Variants in CHRNA7 observed in about 807,000 individuals in gnomAD.
The protein encoded by CHRNA7 is cholinergic receptor nicotinic alpha 7 subunit, also known as neuronal acetylcholine receptor subunit alpha-7.
CHRNA7 carries 17 observed loss-of-function variants against 48.0 expected under a neutral mutation model. That is an observed-to-expected ratio of 0.35 (90% CI 0.24 to 0.53). The LOEUF (loss-of-function observed/expected upper bound fraction) is 0.53, where lower values mean the gene tolerates loss of function less well. Ranked by LOEUF, CHRNA7 falls within the 20% of genes least tolerant of loss-of-function variation. The pLI, the probability that CHRNA7 is intolerant of heterozygous loss-of-function variation, is 0.92. For missense variants in CHRNA7, 155 were observed against 577.7 expected (o/e 0.27, Z 7.50); for synonymous variants, 75 against 242.3 (o/e 0.31, Z 6.41).
chr15:32,052,718 A>G (rs1227383728), intron 2 of CHRNA7, among the ~76,000 whole-genome samples: 1 of 152,154 alleles, frequency 6.6e-6, no homozygotes, highest in African/African-American at 2.4e-5. Context: ...ACAGAGCGAG[A>G]CTCCATCTCA....
chr15:32,111,722 A>T (rs923313072), intron 3 of CHRNA7, 68 bp from the exon 4 acceptor site: 4 of 897,120 alleles, frequency 4.5e-6, no homozygotes, highest in Middle Eastern at 2.2e-4. Context: ...CACTTACCTA[A>T]TAATCGCTTA....
At chr15:32,079,469 T>C (rs993884728) in intron 2 of CHRNA7, among the ~76,000 whole-genome samples, 26 of 152,090 alleles carry the variant, frequency 1.7e-4, no homozygotes, top group African/African-American at 6.3e-4. Context: ...GGACAGGAAA[T>C]CAATATGCAA....
chr15:32,047,022 G>T (rs2141180154), intron 2 of CHRNA7, among the ~76,000 whole-genome samples: 1 of 143,654 alleles, frequency 7.0e-6, no homozygotes, highest in Middle Eastern at 3.4e-3. Flanking sequence ...CTGTTCCATT[G>T]GTCTATATCT....
At chr15:32,037,843 T>A (rs1221229569) in intron 2 of CHRNA7, among the ~76,000 whole-genome samples, 1 of 151,942 alleles carries the variant, frequency 6.6e-6, no homozygotes, top group African/African-American at 2.4e-5. Flanking sequence ...TGAACGATCA[T>A]GTCATCTGCG....
At chr15:32,043,042 G>T (rs986646026) in intron 2 of CHRNA7, among the ~76,000 whole-genome samples, 2 of 152,146 alleles carry the variant, frequency 1.3e-5, no homozygotes, top group African/African-American at 2.4e-5. Context: ...GATGTGTAGA[G>T]AAATATTTAA....
intron 2 of CHRNA7, among the ~76,000 whole-genome samples, chr15:32,051,430 C>CG (rs2049675168): frequency 6.6e-6 from 1 of 152,244 alleles, no homozygotes; most frequent in African/African-American, 2.4e-5. Context: ...AGTGAGACTC[C>CG]ATGGGCGTAG....
At chr15:32,036,044 A>G (rs1902067702) in intron 2 of CHRNA7, among the ~76,000 whole-genome samples, 1 of 152,222 alleles carries the variant, frequency 6.6e-6, no homozygotes, top group African/African-American at 2.4e-5. Flanking sequence ...TATCATACAG[A>G]GTATTTTTAC....
rs551423961 is a variant in CHRNA7, at chr15:32,083,877, T to A, written c.196-17426T>A. ...CTTGGTAATTGGTGTAGTGGCCTCA[T>A]GTCAGGAGTCACTTCATTCTCCTTT... On this transcript the variant is annotated intron_variant, in intron 2 of 9. Coordinates refer to ENST00000306901, the MANE Select transcript of CHRNA7 (RefSeq NM_000746.6). Among the ~76,000 whole-genome samples, 4 of 152,328 alleles carry A rather than the reference T, an allele frequency of 2.6e-5. No homozygotes were observed. In the East Asian group the frequency reaches 5.8e-4, roughly 22 times the overall value.
intron 4 of CHRNA7, among the ~76,000 whole-genome samples, chr15:32,152,715 C>T (rs1295385397): frequency 6.6e-6 from 1 of 152,122 alleles, no homozygotes; most frequent in African/African-American, 2.4e-5. Context: ...AGTGTGACAG[C>T]CTGATAAAGG....
At chr15:32,105,077 C>T (rs1265150038) in intron 3 of CHRNA7, among the ~76,000 whole-genome samples, 1 of 152,198 alleles carries the variant, frequency 6.6e-6, no homozygotes, top group African/African-American at 2.4e-5. Context: ...AACATCCTTG[C>T]TTCAGAGGGT....
intron 2 of CHRNA7, among the ~76,000 whole-genome samples, chr15:32,063,111 G>C (rs866016538): frequency 3.3e-5 from 5 of 152,300 alleles, no homozygotes; most frequent in Middle Eastern, 3.4e-3. Context: ...CGTGAGTGCA[G>C]CTTGCAGGAC....
chr15:32,114,048 A>G (rs11633672), intron 4 of CHRNA7, among the ~76,000 whole-genome samples: 3 of 50,010 alleles, frequency 6.0e-5, no homozygotes, highest in East Asian at 7.1e-4. Flanking sequence ...ATATATGTAT[A>G]TATATATATA....
chr15:32,132,000 A>G (rs1434454809), intron 4 of CHRNA7, among the ~76,000 whole-genome samples: 1 of 152,164 alleles, frequency 6.6e-6, no homozygotes, highest in Non-Finnish European at 1.5e-5. Flanking sequence ...GGCTGGGTCA[A>G]GATGAGGTCA....
intron 4 of CHRNA7, among the ~76,000 whole-genome samples, chr15:32,115,493 C>G (rs2050853690): frequency 6.6e-6 from 1 of 152,026 alleles, no homozygotes; most frequent in Non-Finnish European, 1.5e-5. Context: ...ACCAGCCTAT[C>G]CCTACCCTGT....
At position 32,136,172 on chromosome 15, in the gene CHRNA7, A is replaced by G. The variant is rs1411197318; in HGVS notation, c.351-17735A>G. Among the ~76,000 whole-genome samples, 13 of 152,312 alleles carry G rather than the reference A, an allele frequency of 8.5e-5. No individual in the cohort carries two copies. In the East Asian group the frequency reaches 2.5e-3, roughly 29 times the overall value. On this transcript the variant is annotated intron_variant, in intron 4 of 9. Coordinates refer to ENST00000306901, the MANE Select transcript of CHRNA7 (RefSeq NM_000746.6). ...GTAAACAGATTTGGTTATATAAAAT[A>G]ATAATGATGAATTTGAGAGTATTAA...
chr15:32,083,749 A>G (rs2050252162), intron 2 of CHRNA7, among the ~76,000 whole-genome samples: 1 of 152,224 alleles, frequency 6.6e-6, no homozygotes, highest in South Asian at 2.1e-4. Flanking sequence ...TCATTTATGA[A>G]GGAAGGAATT....
In CHRNA7 at chr15:32,111,822, G is replaced by C; in HGVS notation, c.273G>C (p.Val91=). The change falls in exon 4 of 10, where the codon GTG becomes GTC. Residue 91 remains valine (V), a synonymous_variant. Transcript: ENST00000306901. ...SWTDHYLQWN[V]SEYPGVKTVR... is the part of the protein sequence containing the mutation. ...CAGATCACTATTTACAGTGGAATGTGTCAGAATATCCAGGGGTGAAGACTG... is the reference window on the plus strand; with the variant it reads ...CAGATCACTATTTACAGTGGAATGTCTCAGAATATCCAGGGGTGAAGACTG... The C allele has an allele frequency of 6.2e-7, 1 of 1,613,714 alleles. No homozygotes were observed. The highest frequency in any genetic ancestry group is 8.5e-7 in the Non-Finnish European group (1 of 1,179,584).
intron 2 of CHRNA7, among the ~76,000 whole-genome samples, chr15:32,069,665 A>G (rs549514444): frequency 7.9e-5 from 12 of 152,184 alleles, no homozygotes; most frequent in Non-Finnish European, 1.5e-4. Flanking sequence ...AAAACAAAAA[A>G]CTAAGAAAAC....
intron 2 of CHRNA7, among the ~76,000 whole-genome samples, chr15:32,051,061 G>A (rs944170962): frequency 6.6e-6 from 1 of 151,900 alleles, no homozygotes; most frequent in Admixed American, 6.6e-5. Context: ...CCCCTACTTG[G>A]GGGTGCCTCC....
Sources: gnomAD v4.1 joint callset for allele counts (sites outside exome capture counted in the v4.1 genomes callset) on GRCh38, gnomAD v4.1.1 for gene constraint, MANE v1.5 for transcripts, NCBI Gene and HGNC (gene_info 2026-07-23, HGNC 2026-07-21) for gene names.